PTPRZ1: variants seen among roughly 807,000 people sequenced by gnomAD.
PTPRZ1 encodes the protein receptor-type tyrosine-protein phosphatase zeta.
In PTPRZ1, 82 loss-of-function variants were observed where a neutral mutation model predicts 214.1. That is an observed-to-expected ratio of 0.38 (90% CI 0.32 to 0.46). The LOEUF (loss-of-function observed/expected upper bound fraction) is 0.46. PTPRZ1 is among the 20% of genes least tolerant of loss of function. PTPRZ1 has a pLI of 1.00. For synonymous variants in PTPRZ1, 945 were observed against 987.9 expected (o/e 0.96, Z 0.81); for missense variants, 2,603 against 2,748.7 (o/e 0.95, Z 1.19).
At chr7:121,962,289 A>T (rs938947396) in intron 2 of PTPRZ1, among the ~76,000 whole-genome samples, 3 of 151,888 alleles carry the variant, frequency 2.0e-5, no homozygotes, top group African/African-American at 7.2e-5. Context: ...TCTACTAAAA[A>T]TACAAAAAGT....
rs181324271 is a variant in PTPRZ1, at chr7:121,930,479, A to C, written c.124+2258A>C. ...CAGAAAACATGAAGTTTAATCAAAA[A>C]GGTTGTTGGACCAAAGGGCCTACCT... On this transcript the variant is annotated intron_variant, in intron 2 of 29. Coordinates refer to ENST00000393386, the MANE Select transcript of PTPRZ1 (RefSeq NM_002851.3). Among the ~76,000 whole-genome samples, 4 of 152,282 alleles carry C rather than the reference A, an allele frequency of 2.6e-5. No homozygotes were observed. In the East Asian group the frequency reaches 7.7e-4, roughly 29 times the overall value.
At chr7:122,033,681 C>T (rs1208475538) in intron 15 of PTPRZ1, among the ~76,000 whole-genome samples, 1 of 151,554 alleles carries the variant, frequency 6.6e-6, no homozygotes, top group African/African-American at 2.4e-5. Context: ...TAAAGTAACC[C>T]CCCAAAAAAT....
intron 22 of PTPRZ1, among the ~76,000 whole-genome samples, 198 bp from the exon 23 acceptor site, chr7:122,044,224 A>G (rs1407396300): frequency 6.6e-6 from 1 of 152,184 alleles, no homozygotes; most frequent in African/African-American, 2.4e-5. Flanking sequence ...GAGGTAAGGA[A>G]TGAGAAGAGG....
intron 1 of PTPRZ1, among the ~76,000 whole-genome samples, chr7:121,884,881 A>G (rs907176930): frequency 2.6e-5 from 4 of 152,364 alleles, no homozygotes; most frequent in African/African-American, 9.6e-5. Context: ...GTCTCTGAGC[A>G]TGTGAGCAGC....
intron 8 of PTPRZ1, among the ~76,000 whole-genome samples, chr7:121,989,968 C>A (rs1797898902): frequency 6.6e-6 from 1 of 152,006 alleles, no homozygotes; most frequent in South Asian, 2.1e-4. Flanking sequence ...GAGAGTATAC[C>A]ACATGTCTGT....
In PTPRZ1 at chr7:122,040,211, C is replaced by T. The variant is rs370058804; in HGVS notation, c.5638-605C>T. Among the ~76,000 whole-genome samples, 171 of 151,922 alleles carry T rather than the reference C, an allele frequency of 1.1e-3. 1 individual carries two copies. Among genetic ancestry groups the T allele is most frequent in the African/African-American group, 3.7e-3 (153 of 41,388 alleles). On this transcript the variant is annotated intron_variant, in intron 20 of 29. Coordinates refer to ENST00000393386, the MANE Select transcript of PTPRZ1 (RefSeq NM_002851.3). ...CAACTAAAAAGAGTGGAGAGTGAAA[C>T]AAGAAAAAGAAAGGAAACACGAAGA...
intron 13 of PTPRZ1, among the ~76,000 whole-genome samples, chr7:122,022,184 G>A (rs1799037099): frequency 2.0e-5 from 3 of 152,104 alleles, no homozygotes; most frequent in African/African-American, 7.2e-5. Context: ...GCTTAATTAG[G>A]TAATATTGAA....
intron 6 of PTPRZ1, among the ~76,000 whole-genome samples, chr7:121,977,858 A>G (rs1350026191): frequency 1.3e-5 from 2 of 152,164 alleles, no homozygotes; most frequent in African/African-American, 2.4e-5. Flanking sequence ...AGACTGAAAT[A>G]AAACAACTTG....
intron 1 of PTPRZ1, among the ~76,000 whole-genome samples, chr7:121,902,991 C>G (rs1183935554): frequency 6.6e-6 from 1 of 151,940 alleles, no homozygotes; most frequent in Non-Finnish European, 1.5e-5. Flanking sequence ...ACAGAGATAA[C>G]AGCTGTCTAC....
chr7:121,993,424 AAAC>A (rs1398187708), intron 8 of PTPRZ1, among the ~76,000 whole-genome samples: 1 of 151,772 alleles, frequency 6.6e-6, no homozygotes, highest in African/African-American at 2.4e-5. Flanking sequence ...TACAAAAAAA[AAAC>A]AGCCGGGCAT....
chr7:121,876,333 C>T (rs1357027179), intron 1 of PTPRZ1, among the ~76,000 whole-genome samples: 2 of 152,134 alleles, frequency 1.3e-5, no homozygotes, highest in African/African-American at 4.8e-5. Flanking sequence ...GGAATAATTT[C>T]TTCCAATTAA....
intron 1 of PTPRZ1, among the ~76,000 whole-genome samples, chr7:121,884,333 G>A (rs1794334475): frequency 6.6e-6 from 1 of 151,880 alleles, no homozygotes; most frequent in Admixed American, 6.6e-5. Flanking sequence ...CCTAAATAAG[G>A]ACACATATAA....
At chr7:121,900,849 A>G (rs150395721) in intron 1 of PTPRZ1, among the ~76,000 whole-genome samples, 2 of 152,316 alleles carry the variant, frequency 1.3e-5, no homozygotes, top group East Asian at 3.9e-4. Context: ...TCTAATAATA[A>G]GTATGATGAC....
intron 11 of PTPRZ1, among the ~76,000 whole-genome samples, chr7:122,008,037 T>G (rs937130472): frequency 6.6e-5 from 10 of 152,126 alleles, no homozygotes; most frequent in African/African-American, 2.4e-4. Flanking sequence ...AGAACGCATA[T>G]GTATCTGATG....
intron 1 of PTPRZ1, among the ~76,000 whole-genome samples, chr7:121,906,583 T>A (rs574398346): frequency 6.6e-6 from 1 of 152,294 alleles, no homozygotes. Context: ...AAGCTTGGCA[T>A]TGTTTGGTAG....
intron 27 of PTPRZ1, among the ~76,000 whole-genome samples, chr7:122,056,811 T>C (rs1792363442): frequency 6.6e-6 from 1 of 151,818 alleles, no homozygotes; most frequent in African/African-American, 2.4e-5. Flanking sequence ...CCTGAATTAG[T>C]GTTTATTGTT....
chr7:122,013,664 T>C lies in PTPRZ1; in HGVS notation c.4618T>C (p.Trp1540Arg). 1.2e-6 allele frequency: 2 copies of C among 1,614,202 alleles called. No homozygotes were observed. Among genetic ancestry groups the C allele is most frequent in the East Asian group, 2.2e-5 (1 of 44,888 alleles). Residue 1540 changes from tryptophan to arginine, a missense_variant, in exon 12 of 30, where the codon TGG becomes CGG. Coordinates refer to ENST00000393386, the MANE Select transcript of PTPRZ1 (RefSeq NM_002851.3). ...LLPLSPESKA[W>R]AVLTSDEESG... is the part of the protein sequence containing the mutation. The stretch of plus-strand genomic sequence containing the variant: ...TCCTCTCAGCCCTGAATCTAAAGCA[T>C]GGGCAGTTCTGACAAGTGATGAAGA...
chr7:121,919,759 A>C (rs1028449940), intron 1 of PTPRZ1, among the ~76,000 whole-genome samples: 11 of 152,014 alleles, frequency 7.2e-5, no homozygotes, highest in Admixed American at 4.6e-4. Context: ...TTAAATTTGC[A>C]TCTATAGTAG....
At chr7:121,978,581 TGG>T (rs907008979) in intron 6 of PTPRZ1, among the ~76,000 whole-genome samples, 5 of 152,096 alleles carry the variant, frequency 3.3e-5, no homozygotes, top group Non-Finnish European at 7.4e-5. Flanking sequence ...GAGAACAGCA[TGG>T]GGGAAACTGC....
Sources: gnomAD v4.1 joint callset for allele counts (sites outside exome capture counted in the v4.1 genomes callset) on GRCh38, gnomAD v4.1.1 for gene constraint, MANE v1.5 for transcripts, NCBI Gene and HGNC (gene_info 2026-07-23, HGNC 2026-07-21) for gene names.